The following FHOD3 variants were observed in gnomAD, a reference collection of about 807,000 sequenced individuals.
FHOD3 encodes FH1/FH2 domain-containing protein 3.
Under a neutral mutation model 173.0 loss-of-function variants are expected in FHOD3, and 90 were observed. The observed-to-expected ratio is 0.52, with a 90% CI of 0.44 to 0.62. The LOEUF is 0.62. Among genes scored for constraint, FHOD3 ranks in the 20% least tolerant of loss-of-function variants. The pLI is 0.00. For synonymous variants in FHOD3, 828 were observed against 823.0 expected, an observed-to-expected ratio of 1.01 and a Z score of -0.10; for missense variants, 1,945 against 2,034.7, an observed-to-expected ratio of 0.96 and a Z score of 0.85.
chr18:36,409,749 G>C (rs1014342241), intron 3 of FHOD3, among the ~76,000 whole-genome samples: 1 of 152,226 alleles, frequency 6.6e-6, no homozygotes, highest in Admixed American at 6.5e-5. Flanking sequence ...TGGCCCCAGA[G>C]CTCTGGGGGT....
chr18:36,380,921 C>G (rs544090821), intron 3 of FHOD3, among the ~76,000 whole-genome samples: 2 of 152,186 alleles, frequency 1.3e-5, no homozygotes, highest in South Asian at 4.1e-4. Context: ...ACAGCAGGGG[C>G]TTAGAAAGGG....
intron 1 of FHOD3, among the ~76,000 whole-genome samples, chr18:36,347,667 G>A (rs2045936178): frequency 1.3e-5 from 2 of 152,148 alleles, no homozygotes; most frequent in Non-Finnish European, 2.9e-5. Flanking sequence ...ATTTATTAAA[G>A]TAACTATGAT....
At chr18:36,596,321 A>ATTAATTTT (rs542045571) in intron 7 of FHOD3, among the ~76,000 whole-genome samples, 3 of 57,482 alleles carry the variant, frequency 5.2e-5, no homozygotes, top group African/African-American at 2.3e-4. Flanking sequence ...TGCCCAGCTA[A>ATTAATTTT]TTTTTTTTTT....
intron 3 of FHOD3, among the ~76,000 whole-genome samples, chr18:36,373,305 A>AC (rs1471190035): frequency 6.6e-6 from 1 of 152,200 alleles, no homozygotes. Flanking sequence ...AGAAGGAAAA[A>AC]AAAGGAACTA....
intron 5 of FHOD3, among the ~76,000 whole-genome samples, chr18:36,567,740 G>A (rs2058315448): frequency 6.6e-6 from 1 of 152,136 alleles, no homozygotes; most frequent in African/African-American, 2.4e-5. Flanking sequence ...ACTTGGGTGT[G>A]GACAGAGAGA....
chr18:36,328,536 G>A (rs1257148660), intron 1 of FHOD3, among the ~76,000 whole-genome samples: 3 of 152,156 alleles, frequency 2.0e-5, no homozygotes, highest in Non-Finnish European at 4.4e-5. Flanking sequence ...GCTTACTGGG[G>A]GCAGTCACAG....
At chr18:36,502,129 C>A in intron 4 of FHOD3, 130 bp downstream of exon 4, 1 of 510,050 alleles carries the variant, frequency 2.0e-6, no homozygotes, top group Non-Finnish European at 3.5e-6. Context: ...ATTTAGATTA[C>A]AATATACATT....
intron 19 of FHOD3, among the ~76,000 whole-genome samples, chr18:36,725,295 G>C (rs2041001487): frequency 6.6e-6 from 1 of 152,156 alleles, no homozygotes; most frequent in Non-Finnish European, 1.5e-5. Context: ...GGGTGTTGGG[G>C]GCATCCTGGC....
rs894669867 is a variant in FHOD3 at position 36,355,955 on chromosome 18, G to A, written c.272+310G>A. 2.0e-5 allele frequency among the ~76,000 whole-genome samples: 3 copies of A among 152,316 alleles called. No homozygotes were observed. The East Asian group carries it at 5.8e-4, about 29-fold the overall frequency. On this transcript the variant is annotated intron_variant, in intron 2 of 28. Coordinates refer to ENST00000590592, the MANE Select transcript of FHOD3 (RefSeq NM_001281740.3). ...CAATTAAATCGATATTTTCCAGCCA[G>A]CTGTGGTGGCTCACACCTGTAGTCC...
chr18:36,407,158 C>T (rs1488233850), intron 3 of FHOD3, among the ~76,000 whole-genome samples: 1 of 152,230 alleles, frequency 6.6e-6, no homozygotes, highest in African/African-American at 2.4e-5. Flanking sequence ...CCTTTCCCCA[C>T]CACATAGGAA....
intron 2 of FHOD3, among the ~76,000 whole-genome samples, chr18:36,366,854 C>T (rs1297685707): frequency 6.6e-6 from 1 of 152,144 alleles, no homozygotes; most frequent in African/African-American, 2.4e-5. Context: ...CCTACTTTTG[C>T]CAGATGGTGA....
chr18:36,753,572 A>C (rs1220488551), intron 24 of FHOD3, among the ~76,000 whole-genome samples: 1 of 152,242 alleles, frequency 6.6e-6, no homozygotes, highest in Non-Finnish European at 1.5e-5. Flanking sequence ...CTTTTTATGC[A>C]AATGAGAAAA....
intron 27 of FHOD3, among the ~76,000 whole-genome samples, chr18:36,765,023 TGTA>T (rs2043080331): frequency 6.6e-6 from 1 of 152,132 alleles, no homozygotes; most frequent in African/African-American, 2.4e-5. Flanking sequence ...CAGCAGAATT[TGTA>T]GTAGCTGTAT....
At chr18:36,673,255 A>G (rs934712519) in intron 14 of FHOD3, among the ~76,000 whole-genome samples, 1 of 152,196 alleles carries the variant, frequency 6.6e-6, no homozygotes. Flanking sequence ...TTCTGTTAAA[A>G]AGGCAAGAAG....
chr18:36,483,358 A>T lies in FHOD3; in HGVS notation c.338-18574A>T, dbSNP rs531534341. ...CCCAGGCACAGTCGGGCTCAGCCAG[A>T]TGCTCCACTCAGCACAGCCAACCAC... On this transcript the variant is annotated intron_variant, in intron 3 of 28. Transcript: ENST00000590592. Among the ~76,000 whole-genome samples the T allele has an allele frequency of 2.6e-5, 4 of 152,280 alleles. No homozygotes were observed. In the East Asian group the frequency reaches 7.7e-4, roughly 29 times the overall value.
At chr18:36,599,477 A>G (rs1482473870) in intron 7 of FHOD3, among the ~76,000 whole-genome samples, 1 of 152,228 alleles carries the variant, frequency 6.6e-6, no homozygotes, top group Non-Finnish European at 1.5e-5. Context: ...CTACAGGTTG[A>G]CAGAACTCAA....
chr18:36,543,046 A>G (rs755229339), intron 5 of FHOD3, among the ~76,000 whole-genome samples: 1 of 152,144 alleles, frequency 6.6e-6, no homozygotes, highest in Non-Finnish European at 1.5e-5. Context: ...ACCACATCCA[A>G]TCAGTCAGAA....
chr18:36,707,248 C>T (rs539563966), intron 17 of FHOD3, among the ~76,000 whole-genome samples: 20 of 152,248 alleles, frequency 1.3e-4, no homozygotes, highest in African/African-American at 4.6e-4. Context: ...CTTGGGATGC[C>T]CAGGAGGGAC....
At chr18:36,338,419 G>A (rs945993279) in intron 1 of FHOD3, among the ~76,000 whole-genome samples, 6 of 152,138 alleles carry the variant, frequency 3.9e-5, no homozygotes, top group Non-Finnish European at 8.8e-5. Context: ...TATGTACCGT[G>A]CCTTTACTTT....
Sources: allele counts gnomAD v4.1 joint callset (sites outside exome capture counted in the v4.1 genomes callset), GRCh38; gene constraint gnomAD v4.1.1; transcripts MANE v1.5; gene names NCBI Gene and HGNC (gene_info 2026-07-23, HGNC 2026-07-21).